Variants in ZDHHC14 observed in about 807,000 individuals in gnomAD.
ZDHHC14 encodes palmitoyltransferase ZDHHC14.
Under a neutral mutation model 47.7 loss-of-function variants are expected in ZDHHC14, and 16 were observed. That is an observed-to-expected ratio of 0.34 (90% CI 0.23 to 0.51). The LOEUF (loss-of-function observed/expected upper bound fraction) is 0.51, where lower values mean the gene tolerates loss of function less well. ZDHHC14 is among the 20% of genes least tolerant of loss of function. The pLI is 0.97. For synonymous variants in ZDHHC14, 293 were observed against 278.9 expected (o/e 1.05, Z -0.50); for missense variants, 515 against 662.5 (o/e 0.78, Z 2.44).
At chr6:157,394,209 C>T (rs925621729) in intron 1 of ZDHHC14, among the ~76,000 whole-genome samples, 1 of 152,208 alleles carries the variant, frequency 6.6e-6, no homozygotes, top group African/African-American at 2.4e-5. Flanking sequence ...TTCCTTGTCT[C>T]TTAGACTGCA....
At chr6:157,575,534 C>T (rs1365178582) in intron 2 of ZDHHC14, among the ~76,000 whole-genome samples, 2 of 152,138 alleles carry the variant, frequency 1.3e-5, no homozygotes, top group Non-Finnish European at 2.9e-5. Flanking sequence ...TAACATCTCC[C>T]TCCTGTCCTG....
intron 2 of ZDHHC14, among the ~76,000 whole-genome samples, chr6:157,579,217 G>GA (rs1783425936): frequency 9.9e-5 from 1 of 10,148 alleles, no homozygotes; most frequent in Non-Finnish European, 2.0e-4. Context: ...TTTTTTTTTT[G>GA]GATGGAGTCT....
intron 8 of ZDHHC14, among the ~76,000 whole-genome samples, chr6:157,663,247 A>T (rs895137350): frequency 4.6e-5 from 7 of 152,176 alleles, no homozygotes; most frequent in African/African-American, 1.7e-4. Flanking sequence ...AGAGGATGAG[A>T]TGTGTTCTGT....
intron 1 of ZDHHC14, among the ~76,000 whole-genome samples, chr6:157,538,409 C>T (rs534541281): frequency 8.5e-5 from 13 of 152,298 alleles, no homozygotes; most frequent in African/African-American, 3.1e-4. Flanking sequence ...AAGTTCTAGA[C>T]CAGGTCTGTG....
intron 1 of ZDHHC14, among the ~76,000 whole-genome samples, chr6:157,433,556 T>TC (rs375122564): frequency 6.6e-6 from 1 of 152,190 alleles, no homozygotes; most frequent in Non-Finnish European, 1.5e-5. Flanking sequence ...CCACTTACCC[T>TC]CCACGGGACT....
rs969019074 is a variant in ZDHHC14, at chr6:157,427,326, G to A, written c.245+45060G>A. ...GAGATGTGAGGGTTGGGGTCTCAGC[G>A]TTTGGAAATGTCACTCAGTGAAATA... On this transcript the variant is annotated intron_variant, in intron 1 of 8. Coordinates refer to ENST00000359775, the MANE Select transcript of ZDHHC14 (RefSeq NM_024630.3). This position sits in a 1 kb window ranked among gnomAD's most constrained non-coding sequence, Gnocchi z 4.4. 5.3e-5 allele frequency among the ~76,000 whole-genome samples: 8 copies of A among 152,132 alleles called. No individual in the cohort carries two copies. Among genetic ancestry groups the A allele is most frequent in the East Asian group, 3.9e-4 (2 of 5,188 alleles).
At chr6:157,600,550 T>C (rs1583000838) in intron 3 of ZDHHC14, among the ~76,000 whole-genome samples, 1 of 152,200 alleles carries the variant, frequency 6.6e-6, no homozygotes, top group Admixed American at 6.5e-5. Context: ...GGATTACAGG[T>C]GTGCACCACC....
chr6:157,493,869 C>T (rs1336129479), intron 1 of ZDHHC14, among the ~76,000 whole-genome samples: 1 of 152,218 alleles, frequency 6.6e-6, no homozygotes, highest in Non-Finnish European at 1.5e-5. Context: ...GTCACTGTGT[C>T]CCTCTGCCGC....
chr6:157,394,633 A>C (rs1269005754), intron 1 of ZDHHC14, among the ~76,000 whole-genome samples: 1 of 152,086 alleles, frequency 6.6e-6, no homozygotes, highest in African/African-American at 2.4e-5. Context: ...CCACACTCCC[A>C]CTTTTTTGAG....
intron 1 of ZDHHC14, among the ~76,000 whole-genome samples, chr6:157,395,883 G>A (rs1037461258): frequency 7.3e-5 from 11 of 151,676 alleles, no homozygotes; most frequent in African/African-American, 1.2e-4. Flanking sequence ...AACTAAATCC[G>A]TGCAAAGCTG....
chr6:157,498,536 A>G (rs542402811), intron 1 of ZDHHC14, among the ~76,000 whole-genome samples: 2 of 152,238 alleles, frequency 1.3e-5, no homozygotes, highest in African/African-American at 4.8e-5. Flanking sequence ...GACTCGAGGG[A>G]TTTGGTGCAG....
At chr6:157,421,665 T>A (rs1405989597) in intron 1 of ZDHHC14, among the ~76,000 whole-genome samples, 1 of 151,950 alleles carries the variant, frequency 6.6e-6, no homozygotes, top group African/African-American at 2.4e-5. Flanking sequence ...TGGAATGCAG[T>A]GGCACAATCC....
intron 2 of ZDHHC14, among the ~76,000 whole-genome samples, chr6:157,552,684 C>A (rs1276121234): frequency 6.6e-6 from 1 of 152,174 alleles, no homozygotes; most frequent in African/African-American, 2.4e-5. Context: ...GAGTCCCAGC[C>A]ATGCTGAGCC....
chr6:157,504,344 T>A (rs1045534306), intron 1 of ZDHHC14, among the ~76,000 whole-genome samples: 6 of 150,758 alleles, frequency 4.0e-5, no homozygotes, highest in African/African-American at 1.5e-4. Flanking sequence ...TTTTTTTTAG[T>A]AGAGACGGGG....
At chr6:157,581,916 A>G (rs761457114) in intron 2 of ZDHHC14, among the ~76,000 whole-genome samples, 71 of 151,860 alleles carry the variant, frequency 4.7e-4, no homozygotes, top group Non-Finnish European at 8.4e-4. Flanking sequence ...TTTCTTTTTA[A>G]ACAGGGTCTT....
intron 1 of ZDHHC14, among the ~76,000 whole-genome samples, chr6:157,417,442 C>G (rs574274005): frequency 6.6e-6 from 1 of 152,182 alleles, no homozygotes; most frequent in Non-Finnish European, 1.5e-5. Context: ...GAACCCCTCT[C>G]CCTTTTTAAG....
chr6:157,388,139 A>T (rs928937725), intron 1 of ZDHHC14, among the ~76,000 whole-genome samples: 1 of 152,222 alleles, frequency 6.6e-6, no homozygotes, highest in East Asian at 1.9e-4. Context: ...GCACTCTGGG[A>T]TATATTTGAA....
chr6:157,473,576 G>A (rs978193312), intron 1 of ZDHHC14, among the ~76,000 whole-genome samples: 1 of 152,102 alleles, frequency 6.6e-6, no homozygotes, highest in Non-Finnish European at 1.5e-5. Context: ...CGATTTGGGA[G>A]TTTTTTCAGA....
chr6:157,529,835 T>C (rs1280946627), intron 1 of ZDHHC14, among the ~76,000 whole-genome samples: 2 of 152,206 alleles, frequency 1.3e-5, no homozygotes, highest in African/African-American at 2.4e-5. Context: ...CTTGGGCCCA[T>C]GGGCTTTGAT....
Sources: gnomAD v4.1 joint callset for allele counts (sites outside exome capture counted in the v4.1 genomes callset) on GRCh38, gnomAD v4.1.1 for gene constraint, Gnocchi (gnomAD v3.1) non-coding constraint, MANE v1.5 for transcripts, NCBI Gene and HGNC (gene_info 2026-07-23, HGNC 2026-07-21) for gene names.